The following CHID1 variants were observed in gnomAD, a reference collection of about 807,000 sequenced individuals.
The protein encoded by CHID1 is chitinase domain containing 1, also known as chitinase domain-containing protein 1.
In CHID1, 44 loss-of-function variants were observed where a neutral mutation model predicts 55.4. The observed-to-expected ratio is 0.79, with a 90% CI of 0.62 to 1.02. CHID1 has a LOEUF of 1.02. CHID1 is among the 50% of genes least tolerant of loss of function. The pLI, the probability that CHID1 is intolerant of heterozygous loss-of-function variation, is 0.00. For synonymous variants in CHID1, 216 were observed against 212.9 expected (o/e 1.01, Z -0.13); for missense variants, 491 against 515.3 (o/e 0.95, Z 0.46).
chr11:899,468 G>A, intron 6 of CHID1, 67 bp from the exon 7 acceptor site: 1 of 1,439,828 alleles, frequency 6.9e-7, no homozygotes, highest in Non-Finnish European at 9.6e-7. Context: ...AAGACAAGAA[G>A]CCCGCCACCT....
intron 8 of CHID1, among the ~76,000 whole-genome samples, chr11:892,077 T>G (rs757471663): frequency 5.9e-5 from 9 of 151,654 alleles, no homozygotes; most frequent in Non-Finnish European, 1.2e-4. Context: ...ATTGCACCAC[T>G]GCACTCCAGC....
At chr11:880,737 C>T (rs1849855503) in intron 10 of CHID1, among the ~76,000 whole-genome samples, 2 of 152,030 alleles carry the variant, frequency 1.3e-5, no homozygotes, top group African/African-American at 4.8e-5. Flanking sequence ...CGCACACACC[C>T]CTCACGGAGG....
chr11:908,754 T>TA (rs886448254), intron 1 of CHID1: 2 of 243,336 alleles, frequency 8.2e-6, no homozygotes, highest in African/African-American at 4.6e-5. Flanking sequence ...CCAACCACTA[T>TA]AGGGCTGGGT....
At chr11:902,087 T>C (rs1190018888) in intron 4 of CHID1, 111 bp downstream of exon 4, 3 of 1,285,762 alleles carry the variant, frequency 2.3e-6, no homozygotes, top group Admixed American at 1.9e-5. Context: ...CACACTCCCA[T>C]ACAGAGACAC....
At chr11:905,162 C>G (rs929523384) in intron 1 of CHID1, among the ~76,000 whole-genome samples, 1 of 152,240 alleles carries the variant, frequency 6.6e-6, no homozygotes, top group Non-Finnish European at 1.5e-5. Context: ...CCACCACTGG[C>G]AATCTAGAAA....
In CHID1 at chr11:896,726, G is replaced by A. The variant is rs12575071; in HGVS notation, c.608+2614C>T. On this transcript the variant is annotated intron_variant, in intron 7 of 12. Coordinates refer to ENST00000323578, the MANE Select transcript of CHID1 (RefSeq NM_023947.4). ...AGCACCCCCAGCCTCCACCCCAGAC[G>A]TGAGGCTGTCTCAGCACCCCTAGCC... 0.014 allele frequency among the ~76,000 whole-genome samples: 1,087 copies of A among 77,300 alleles called. 92 individuals are homozygous for A. In the East Asian group the frequency reaches 0.29, roughly 21 times the overall value. The allele number at this position is 77,300 out of a possible 152,430, so 50.7% of individuals were successfully genotyped here.
chr11:892,478 A>G (rs911135240), intron 8 of CHID1, among the ~76,000 whole-genome samples: 1 of 152,232 alleles, frequency 6.6e-6, no homozygotes, highest in Non-Finnish European at 1.5e-5. Flanking sequence ...AGCAGCCCCC[A>G]GGGCTCAGCT....
At chr11:870,795 G>A (rs944008317) in intron 10 of CHID1, 16 of 358,252 alleles carry the variant, frequency 4.5e-5, no homozygotes, top group African/African-American at 3.3e-4. Context: ...CTGAGCCTGA[G>A]GGTGACCCTC....
upstream of CHID1, among the ~76,000 whole-genome samples, chr11:913,975 G>A (rs905555327): frequency 2.6e-5 from 4 of 150,950 alleles, no homozygotes; most frequent in Admixed American, 6.6e-5. Context: ...GGCTGAGGTA[G>A]GAGAATTGCT....
intron 10 of CHID1, 98 bp downstream of exon 10, chr11:883,050 A>G (rs1236927273): frequency 1.5e-6 from 2 of 1,321,352 alleles, no homozygotes; most frequent in Non-Finnish European, 2.1e-6. Flanking sequence ...CAGAAGCCCC[A>G]GGGGACCGAG....
chr11:901,047 A>G, intron 4 of CHID1, 67 bp from the exon 5 acceptor site: 1 of 1,474,144 alleles, frequency 6.8e-7, no homozygotes, highest in Non-Finnish European at 9.2e-7. Flanking sequence ...AGCCTACCTG[A>G]GGAGGAAAAC....
chr11:902,618 A>T (rs1851900945), intron 3 of CHID1, among the ~76,000 whole-genome samples: 1 of 152,286 alleles, frequency 6.6e-6, no homozygotes. Flanking sequence ...GCAGCTGGGA[A>T]CAGCAAGAGA....
intron 10 of CHID1, among the ~76,000 whole-genome samples, chr11:881,373 G>C (rs1204849429): frequency 6.6e-6 from 1 of 152,002 alleles, no homozygotes; most frequent in Non-Finnish European, 1.5e-5. Context: ...GGACCACGTC[G>C]GGCGGTAGGC....
In CHID1 at chr11:867,867, C is replaced by T. The variant is rs1385959392; in HGVS notation, c.*1991G>A. On this transcript the variant is annotated 3_prime_UTR_variant, in exon 13 of 13. Transcript: ENST00000323578. ...GCAGCACAAAGCACCTGTCACAGGG[C>T]ATGAAAAAAAATGCATCAAGGTGCC... The T allele has an allele frequency of 6.6e-6, 1 of 152,124 alleles. No individual in the cohort carries two copies. The highest frequency in any genetic ancestry group is 2.4e-5 in the African/African-American group (1 of 41,386). 9.4% of individuals were successfully genotyped at this position (152,124 alleles called of 1,614,324 possible).
At chr11:897,433 G>T (rs1366684833) in intron 7 of CHID1, among the ~76,000 whole-genome samples, 1 of 152,232 alleles carries the variant, frequency 6.6e-6, no homozygotes, top group Non-Finnish European at 1.5e-5. Flanking sequence ...CTGGAAGCAG[G>T]CGGGCTCTGT....
chr11:891,771 C>T (rs1475875446), intron 8 of CHID1, among the ~76,000 whole-genome samples: 1 of 152,150 alleles, frequency 6.6e-6, no homozygotes, highest in Non-Finnish European at 1.5e-5. Context: ...GACGTGTCCT[C>T]ACAGCCAGCC....
intron 8 of CHID1, among the ~76,000 whole-genome samples, chr11:886,176 AT>A (rs60384348): frequency 0.36 from 51,074 of 140,614 alleles, 9,858 homozygotes; most frequent in East Asian, 0.7. Flanking sequence ...AAAAGGAAAA[AT>A]GGCGGGGTGT....
intron 10 of CHID1, among the ~76,000 whole-genome samples, chr11:878,827 G>A (rs1247592563): frequency 1.3e-5 from 2 of 150,798 alleles, no homozygotes; most frequent in Middle Eastern, 3.5e-3. Context: ...TCAGCCTCCC[G>A]AGTAGCCCGC....
chr11:901,186 A>G (rs1400818679), intron 4 of CHID1, among the ~76,000 whole-genome samples: 1 of 151,672 alleles, frequency 6.6e-6, no homozygotes, highest in Non-Finnish European at 1.5e-5. Flanking sequence ...CCTTCTGGCC[A>G]AGGCCCCCTT....
Sources: gnomAD v4.1 joint callset for allele counts (sites outside exome capture counted in the v4.1 genomes callset) on GRCh38, gnomAD v4.1.1 for gene constraint, MANE v1.5 for transcripts, NCBI Gene and HGNC (gene_info 2026-07-23, HGNC 2026-07-21) for gene names.